BRF1: variants seen among roughly 807,000 people sequenced by gnomAD.
The protein encoded by BRF1 is BRF1 general transcription factor IIIB subunit.
In BRF1, 59 loss-of-function variants were observed where a neutral mutation model predicts 81.7. That is an observed-to-expected ratio of 0.72 (90% confidence interval 0.59 to 0.90). The LOEUF (loss-of-function observed/expected upper bound fraction) is 0.90. Ranked by LOEUF, BRF1 falls within the 40% of genes least tolerant of loss-of-function variation. BRF1 has a pLI of 0.00. For synonymous variants in BRF1, 491 were observed against 395.6 expected (o/e 1.24, Z -2.86); for missense variants, 1,050 against 936.3 (o/e 1.12, Z -1.58).
At chr14:105,298,728 G>A (rs761745105) in intron 1 of BRF1, among the ~76,000 whole-genome samples, 5 of 152,118 alleles carry the variant, frequency 3.3e-5, no homozygotes, top group South Asian at 2.1e-4. Context: ...GGTGGCGCAC[G>A]CCTGTAATCC....
At chr14:105,247,489 A>G (rs2055199747) in intron 5 of BRF1, 5 of 985,242 alleles carry the variant, frequency 5.1e-6, no homozygotes, top group Non-Finnish European at 6.0e-6. Flanking sequence ...CCTGACTTGT[A>G]GTTGCTCCTC....
chr14:105,250,105 T>C, intron 5 of BRF1: 1 of 1,613,040 alleles, frequency 6.2e-7, no homozygotes, highest in Non-Finnish European at 8.5e-7. Flanking sequence ...CCAACGGCGC[T>C]GCCCAGTCAG....
chr14:105,305,066 T>A (rs1385488787), upstream of BRF1, among the ~76,000 whole-genome samples: 1 of 152,038 alleles, frequency 6.6e-6, no homozygotes, highest in Non-Finnish European at 1.5e-5. Flanking sequence ...GGAGATGAGG[T>A]CATGAGGGCT....
At chr14:105,213,638 C>A (rs1223581818) in intron 15 of BRF1, among the ~76,000 whole-genome samples, 1 of 152,124 alleles carries the variant, frequency 6.6e-6, no homozygotes, top group African/African-American at 2.4e-5. Flanking sequence ...CTCCCTCCCC[C>A]ACCTGGCACT....
intron 6 of BRF1, among the ~76,000 whole-genome samples, chr14:105,229,633 C>T (rs1424549632): frequency 6.6e-6 from 1 of 151,078 alleles, no homozygotes; most frequent in Non-Finnish European, 1.5e-5. Context: ...AACAGTCGCC[C>T]AGCTGGGGGC....
rs753836838 is a variant in BRF1, at chr14:105,215,520, G to A, written c.1772+2024C>T. 5.9e-4 allele frequency among the ~76,000 whole-genome samples: 90 copies of A among 151,344 alleles called. 2 individuals are homozygous for A. Among genetic ancestry groups the A allele is most frequent in the Non-Finnish European group, 1.0e-4 (7 of 67,868 alleles). ...GCACCAACGCACACACGTACTGTGT[G>A]CATACGCACTGCATGCACAGACACA... On this transcript the variant is annotated intron_variant, in intron 15 of 17. Transcript: ENST00000547530.
intron 11 of BRF1, among the ~76,000 whole-genome samples, chr14:105,221,234 C>T (rs1342521847): frequency 1.3e-5 from 2 of 152,188 alleles, no homozygotes; most frequent in African/African-American, 4.8e-5. Context: ...GGTGGCCTGG[C>T]CTGGGCACTA....
In BRF1 at chr14:105,226,537, G is replaced by A. The variant is rs1273310043; in HGVS notation, c.915+97C>T. 4 of 1,575,554 alleles carry A rather than the reference G, an allele frequency of 2.5e-6. No homozygotes were observed. The African/African-American group carries it at 4.1e-5, about 16-fold the overall frequency. ...CACTGAAGAGCGGCTATGAGGCTTTGGGATGGCACCAGCTCTGCTACAACC... is the reference window on the plus strand; with the variant it reads ...CACTGAAGAGCGGCTATGAGGCTTTAGGATGGCACCAGCTCTGCTACAACC... On this transcript the variant is annotated intron_variant, in intron 8 of 17. Transcript: ENST00000547530.
At chr14:105,254,287 T>C (rs587608775) in intron 4 of BRF1, among the ~76,000 whole-genome samples, 2 of 152,350 alleles carry the variant, frequency 1.3e-5, no homozygotes, top group East Asian at 3.9e-4. Flanking sequence ...GACGGAGTCT[T>C]GCTCTGTCGC....
chr14:105,229,368 C>G (rs1184324333), intron 6 of BRF1, among the ~76,000 whole-genome samples: 1 of 152,200 alleles, frequency 6.6e-6, no homozygotes, highest in Non-Finnish European at 1.5e-5. Context: ...ATCATGTGTG[C>G]AGATGGAACG....
Position 105,210,675 on chromosome 14 carries a change from C to G in BRF1, c.1997-87G>C, listed in dbSNP as rs587711136. On this transcript the variant is annotated intron_variant, in intron 17 of 17. Transcript: ENST00000547530. This position sits in a 1 kb window ranked among gnomAD's most constrained non-coding sequence, Gnocchi z 4.7. Reference sequence around the variant, plus strand: ...CAACCCGCCCTGTTCCTGGTGCCCCCCTAGAAGACTCAGGCTCCAGCCCCA... The same window carrying G: ...CAACCCGCCCTGTTCCTGGTGCCCCGCTAGAAGACTCAGGCTCCAGCCCCA... The G allele has an allele frequency of 2.5e-5, 36 of 1,461,900 alleles. No homozygotes were observed. Among genetic ancestry groups the G allele is most frequent in the Admixed American group, 3.8e-5 (2 of 52,880 alleles). 90.6% of individuals were successfully genotyped at this position (1,461,900 alleles called of 1,614,324 possible).
intron 15 of BRF1, 122 bp from the exon 16 acceptor site, chr14:105,212,286 G>T: frequency 1.5e-6 from 2 of 1,318,872 alleles, no homozygotes; most frequent in Non-Finnish European, 2.1e-6. Flanking sequence ...CCCTTTGGAA[G>T]CCTGGTTCTG....
intron 2 of BRF1, among the ~76,000 whole-genome samples, chr14:105,280,736 T>A (rs1294069692): frequency 6.6e-6 from 1 of 151,474 alleles, no homozygotes; most frequent in Non-Finnish European, 1.5e-5. Flanking sequence ...ACAGCCCGCG[T>A]GACCCTGAGC....
chr14:105,210,476 T>A lies in BRF1; in HGVS notation c.*75A>T, dbSNP rs1376150126. ...CGGCGCTGGGGCCTGCCTGCTGCGGTCCTGGAAGCCCGTCTGATGCTGAGG... is the reference window on the plus strand; with the variant it reads ...CGGCGCTGGGGCCTGCCTGCTGCGGACCTGGAAGCCCGTCTGATGCTGAGG... On this transcript the variant is annotated 3_prime_UTR_variant, in exon 18 of 18. Coordinates refer to ENST00000547530, the MANE Select transcript of BRF1 (RefSeq NM_001519.4). The surrounding 1 kb of genome is among the most constrained non-coding windows in gnomAD (Gnocchi z 4.7). 2 of 1,565,488 alleles carry A rather than the reference T, an allele frequency of 1.3e-6. No individual in the cohort carries two copies. Among genetic ancestry groups the A allele is most frequent in the African/African-American group, 2.7e-5 (2 of 73,952 alleles).
chr14:105,249,782 G>A, intron 5 of BRF1: 2 of 1,613,844 alleles, frequency 1.2e-6, no homozygotes, highest in South Asian at 1.1e-5. Context: ...GAACGCCTGC[G>A]TCCTGCTGTC....
rs2055161342 is a variant in BRF1 at position 105,246,955 on chromosome 14, G to T, written c.545-5541C>A. 10 of 985,184 alleles carry T rather than the reference G, an allele frequency of 1.0e-5. No individual in the cohort carries two copies. In the South Asian group the frequency reaches 4.7e-4, roughly 46 times the overall value. 61.0% of individuals were successfully genotyped at this position (985,184 alleles called of 1,614,324 possible). The stretch of plus-strand genomic sequence containing the variant: ...CTGCTGTAAGTTATTCCTTCTCACT[G>T]CATTCCCCAAATGGACCCACCACAA... On this transcript the variant is annotated intron_variant, in intron 5 of 17. Coordinates refer to ENST00000547530, the MANE Select transcript of BRF1 (RefSeq NM_001519.4).
Position 105,250,430 on chromosome 14 carries a change from A to G in BRF1, c.544+2077T>C, listed in dbSNP as rs759574957. The G allele has an allele frequency of 6.8e-6, 11 of 1,613,882 alleles. No individual in the cohort carries two copies. In the Admixed American group the frequency reaches 1.7e-4, roughly 24 times the overall value. The stretch of plus-strand genomic sequence containing the variant: ...TCTGGCTCAGAACTTGACCAAGTTC[A>G]TGTCAGACGGATCCAGTAACACCTT... On this transcript the variant is annotated intron_variant, in intron 5 of 17. Transcript: ENST00000547530.
chr14:105,291,979 C>G (rs985918620), intron 1 of BRF1, among the ~76,000 whole-genome samples: 1 of 151,944 alleles, frequency 6.6e-6, no homozygotes, highest in Non-Finnish European at 1.5e-5. Context: ...GCCTGGGCAA[C>G]AAGAGAGACA....
chr14:105,228,792 C>T (rs781307988), intron 7 of BRF1, 28 bp downstream of exon 7: 9 of 1,612,114 alleles, frequency 5.6e-6, no homozygotes, highest in South Asian at 2.2e-5. Context: ...TCTGTGTGGT[C>T]CCCATGCCAT....
Sources: allele counts gnomAD v4.1 joint callset (sites outside exome capture counted in the v4.1 genomes callset), GRCh38; gene constraint gnomAD v4.1.1; non-coding constraint Gnocchi (gnomAD v3.1); transcripts MANE v1.5; gene names NCBI Gene and HGNC (gene_info 2026-07-23, HGNC 2026-07-21).